Variants in ADIG observed in about 807,000 individuals in gnomAD.
The protein encoded by ADIG is adipogenin.
ADIG carries 12 observed loss-of-function variants against 10.7 expected under a neutral mutation model. The observed-to-expected ratio is 1.12, with a 90% CI of 0.72 to 1.82. The LOEUF is 1.82. Among genes scored for constraint, ADIG ranks in the 40% most tolerant of loss-of-function variants. The probability of loss-of-function intolerance (pLI) is 0.00; values close to 1 mark genes in which losing one functional copy is unlikely to be tolerated. For missense variants in ADIG, 72 were observed against 92.5 expected, an observed-to-expected ratio of 0.78 and a Z score of 0.91; for synonymous variants, 32 against 35.6, an observed-to-expected ratio of 0.90 and a Z score of 0.36.
In ADIG at chr20:38,581,356, C is replaced by T. The variant is rs201681316; in HGVS notation, c.106C>T (p.Arg36Cys). 4.2e-4 allele frequency: 672 copies of T among 1,613,994 alleles called. 3 individuals carry two copies. The African/African-American group carries it at 6.2e-3, about 15-fold the overall frequency. ...GCTGTTGTTATTGATCATCTGGCTA[C>T]GCTTCTTACTTAGCCAAGGTGAGCT... ...GLLLLLIIWL[R>C]FLLSQDSEEN... Residue 36 changes from arginine (R) to cysteine (C), a missense_variant, in exon 1 of 3, where the codon CGC becomes TGC. Transcript: ENST00000537425.
At chr20:38,582,646 A>G (rs1004364996) in intron 1 of ADIG, among the ~76,000 whole-genome samples, 9 of 152,072 alleles carry the variant, frequency 5.9e-5, no homozygotes, top group Non-Finnish European at 1.2e-4. Flanking sequence ...GAAAGTGTTT[A>G]TTTAAAGTAT....
In ADIG at chr20:38,586,118, G is replaced by C. The variant is rs752498111; in HGVS notation, c.214G>C (p.Gly72Arg). 1 of 1,603,332 alleles carries C rather than the reference G, an allele frequency of 6.2e-7. No homozygotes were observed. Among genetic ancestry groups the C allele is most frequent in the African/African-American group, 1.3e-5 (1 of 74,918 alleles). The change falls in exon 2 of 3, where the codon GGC becomes CGC. Residue 72 changes from glycine to arginine, a missense_variant. Transcript: ENST00000537425. ...AEFCWKGTLH[G>R]QEKERPCW is the part of the protein sequence containing the mutation. ...GTTTTGCTGGAAGGGGACACTCCAC[G>C]GCCAAGAGAAGGAGAGGCCCTGCTG...
chr20:38,585,148 A>T (rs983800920), intron 1 of ADIG, among the ~76,000 whole-genome samples: 6 of 152,226 alleles, frequency 3.9e-5, no homozygotes, highest in African/African-American at 1.4e-4. Context: ...TGAGTTTTAC[A>T]TGTCTGCCTT....
At chr20:38,585,160 G>T (rs1446344379) in intron 1 of ADIG, among the ~76,000 whole-genome samples, 1 of 152,198 alleles carries the variant, frequency 6.6e-6, no homozygotes, top group Non-Finnish European at 1.5e-5. Context: ...GTCTGCCTTC[G>T]GTTAACCCTC....
At chr20:38,586,336 G>A in intron 2 of ADIG, 175 bp downstream of exon 2, 6 of 592,572 alleles carry the variant, frequency 1.0e-5, no homozygotes, top group South Asian at 2.0e-5. Flanking sequence ...GGGAGACCTG[G>A]TGTTGCCCTG....
chr20:38,586,063 T>G lies in ADIG; in HGVS notation c.159T>G (p.Asp53Glu). 1 of 1,610,710 alleles carries G rather than the reference T, an allele frequency of 6.2e-7. No homozygotes were observed. ...SEENDSSVCL[D>E]WEPWSKGPAE... ...AAAATGACTCCAGTGTGTGCTTGGA[T>G]TGGGAGCCCTGGAGCAAAGGCCCAG... The change falls in exon 2 of 3, where the codon GAT (aspartate) becomes GAG (glutamate). Residue 53 changes from aspartate to glutamate, a missense_variant. Coordinates refer to ENST00000537425, the MANE Select transcript of ADIG (RefSeq NM_001393816.1).
intron 1 of ADIG, among the ~76,000 whole-genome samples, chr20:38,584,960 T>C (rs569510671): frequency 6.6e-6 from 1 of 152,336 alleles, no homozygotes; most frequent in African/African-American, 2.4e-5. Context: ...GTACTTTTAG[T>C]AGAGACGGGG....
intron 1 of ADIG, chr20:38,585,694 G>C: frequency 1.4e-6 from 1 of 705,546 alleles, no homozygotes; most frequent in Non-Finnish European, 2.3e-6. Context: ...TGAACTAGTG[G>C]ACTAGTGGCC....
chr20:38,583,259 TCA>T (rs2088604327), intron 1 of ADIG, among the ~76,000 whole-genome samples: 1 of 152,162 alleles, frequency 6.6e-6, no homozygotes, highest in Non-Finnish European at 1.5e-5. Context: ...CTTAATAATA[TCA>T]CAATTGGGGA....
chr20:38,583,492 G>GTACT (rs1379045530), intron 1 of ADIG, among the ~76,000 whole-genome samples: 1 of 152,190 alleles, frequency 6.6e-6, no homozygotes, highest in Non-Finnish European at 1.5e-5. Flanking sequence ...TGCATATCGG[G>GTACT]TACTTACAGG....
chr20:38,588,442 C>T lies in ADIG; in HGVS notation c.*356C>T, dbSNP rs1388126152. On this transcript the variant is annotated 3_prime_UTR_variant, in exon 3 of 3. Transcript: ENST00000537425. ...AAAGAAGCAAGGGTCTTCCCATACCCGGGGGACCCCTGACAAACCTACCAG... is the reference window on the plus strand; with the variant it reads ...AAAGAAGCAAGGGTCTTCCCATACCTGGGGGACCCCTGACAAACCTACCAG... 4.1e-6 allele frequency: 5 copies of T among 1,210,322 alleles called. No individual in the cohort carries two copies. The highest frequency in any genetic ancestry group is 7.1e-5 in the Admixed American group (2 of 28,320). The allele number at this position is 1,210,322 out of a possible 1,614,324, so 75.0% of individuals were successfully genotyped here.
At chr20:38,587,451 G>T (rs2088647145) in intron 2 of ADIG, among the ~76,000 whole-genome samples, 1 of 152,172 alleles carries the variant, frequency 6.6e-6, no homozygotes, top group Non-Finnish European at 1.5e-5. Context: ...TGCCCTCAGA[G>T]ATTTGTGTAC....
intron 1 of ADIG, 35 bp from the exon 2 acceptor site, chr20:38,585,994 G>T: frequency 6.4e-7 from 1 of 1,550,616 alleles, no homozygotes; most frequent in South Asian, 1.2e-5. Context: ...GACAGGATGT[G>T]ACCATCCAAG....
At chr20:38,586,213 G>A (rs1241910803) in intron 2 of ADIG, 52 bp downstream of exon 2, 7 of 1,462,782 alleles carry the variant, frequency 4.8e-6, no homozygotes, top group Non-Finnish European at 5.6e-6. Context: ...CCAAAGCCTT[G>A]GGCAGCTGCT....
Position 38,581,325 on chromosome 20 carries a change from G to A in ADIG, c.75G>A (p.Val25=). Reference sequence around the variant, plus strand: ...TGGTTTTCTGGTTCTGCCTCCCTGTGGGTTTGCTGTTGTTATTGATCATCT... The same window carrying A: ...TGGTTTTCTGGTTCTGCCTCCCTGTAGGTTTGCTGTTGTTATTGATCATCT... ...SFLVFWFCLP[V]GLLLLLIIWL... The change falls in exon 1 of 3, where the codon GTG becomes GTA. Residue 25 remains valine (V), a synonymous_variant. Transcript: ENST00000537425. 6.2e-7 allele frequency: 1 copy of A among 1,613,954 alleles called. No individual in the cohort carries two copies. Among genetic ancestry groups the A allele is most frequent in the Non-Finnish European group, 8.5e-7 (1 of 1,179,878 alleles).
In ADIG at chr20:38,583,183, A is replaced by G. The variant is rs979972596; in HGVS notation, c.124+1809A>G. 3.3e-5 allele frequency among the ~76,000 whole-genome samples: 5 copies of G among 152,328 alleles called. 1 individual carries two copies. The highest frequency in any genetic ancestry group is 3.9e-4 in the East Asian group (2 of 5,180). On this transcript the variant is annotated intron_variant, in intron 1 of 2. Transcript: ENST00000537425. Reference sequence around the variant, plus strand: ...GTTTGGAACACTGACTATATACCAGACCTTGTGCTAAACACTGGACTTGCA... The same window carrying G: ...GTTTGGAACACTGACTATATACCAGGCCTTGTGCTAAACACTGGACTTGCA...
chr20:38,581,208 G>C lies in ADIG; in HGVS notation c.-43G>C. On this transcript the variant is annotated 5_prime_UTR_variant, in exon 1 of 3. Transcript: ENST00000537425. ...CTGCCAGGTCCCATGGGGCAGCCCT[G>C]CCAGCCCAGCCCAGGCTGGCCCAGC... 1.3e-6 allele frequency: 2 copies of C among 1,574,044 alleles called. No individual in the cohort carries two copies. Among genetic ancestry groups the C allele is most frequent in the Non-Finnish European group, 1.7e-6 (2 of 1,158,908 alleles).
rs1200097989 is a variant in ADIG, at chr20:38,581,244, A to G, written c.-7A>G. 2 of 1,606,984 alleles carry G rather than the reference A, an allele frequency of 1.2e-6. No individual in the cohort carries two copies. Among genetic ancestry groups the G allele is most frequent in the Non-Finnish European group, 8.5e-7 (1 of 1,176,540 alleles). On this transcript the variant is annotated 5_prime_UTR_variant, in exon 1 of 3. An upstream start codon of the reference 5' UTR is lost. Coordinates refer to ENST00000537425, the MANE Select transcript of ADIG (RefSeq NM_001393816.1). ...CCAGGCTGGCCCAGCTTAGCCACAC[A>G]TGCGCCATGAAGTACCCTTTGATGC... is the stretch of plus-strand genomic sequence containing the variant.
intron 1 of ADIG, among the ~76,000 whole-genome samples, chr20:38,582,512 T>C (rs1316635036): frequency 6.6e-6 from 1 of 152,206 alleles, no homozygotes; most frequent in Admixed American, 6.5e-5. Context: ...TCAGATGTTG[T>C]TGAGGCAGGG....
Sources: gnomAD v4.1 joint callset for allele counts (sites outside exome capture counted in the v4.1 genomes callset) on GRCh38, gnomAD v4.1.1 for gene constraint, MANE v1.5 for transcripts, NCBI Gene and HGNC (gene_info 2026-07-23, HGNC 2026-07-21) for gene names.